Variants in EXOSC10 observed in about 807,000 individuals in gnomAD.
The protein encoded by EXOSC10 is exosome complex component 10.
A neutral mutation model predicts 126.6 loss-of-function variants in EXOSC10; 94 were observed. The ratio of observed to expected loss-of-function variants is 0.74; its 90% confidence interval spans 0.63 to 0.88. The LOEUF (loss-of-function observed/expected upper bound fraction) is 0.88, where lower values mean the gene tolerates loss of function less well. Ranked by LOEUF, EXOSC10 falls within the 40% of genes least tolerant of loss-of-function variation. EXOSC10 has a pLI of 0.00. For synonymous variants in EXOSC10, 395 were observed against 400.8 expected (o/e 0.99, Z 0.17); for missense variants, 1,041 against 1,100.5 (o/e 0.95, Z 0.77).
chr1:11,078,340 C>A (rs1253506619), intron 14 of EXOSC10, among the ~76,000 whole-genome samples: 1 of 150,748 alleles, frequency 6.6e-6, no homozygotes, highest in Non-Finnish European at 1.5e-5. Flanking sequence ...TCACTGCAAG[C>A]TCCGCCTCCC....
rs537391589 is a variant in EXOSC10 at position 11,077,708 on chromosome 1, C to A, written c.1750-57G>T. The stretch of plus-strand genomic sequence containing the variant: ...GTTGCCCAAGCACCTCAAGTCCAAC[C>A]CCCAGTCTCCAGCGCTGACTGTATT... On this transcript the variant is annotated intron_variant, in intron 14 of 24. Coordinates refer to ENST00000376936, the MANE Select transcript of EXOSC10 (RefSeq NM_001001998.3). 1.7e-5 allele frequency: 25 copies of A among 1,504,004 alleles called. No individual in the cohort carries two copies. In the South Asian group the frequency reaches 3.0e-4, roughly 18 times the overall value. 93.2% of individuals were successfully genotyped at this position (1,504,004 alleles called of 1,614,324 possible). A position where few individuals can be genotyped will look rare whatever the true frequency, so the allele number is the denominator to read the frequency against.
Position 11,082,766 on chromosome 1 carries a change from T to A in EXOSC10, c.1202A>T (p.His401Leu), listed in dbSNP as rs1409243900. The A allele has an allele frequency of 6.2e-7, 1 of 1,614,168 alleles. No homozygotes were observed. Among genetic ancestry groups the A allele is most frequent in the East Asian group, 2.2e-5 (1 of 44,882 alleles). ...GAGTTTCAGGAGATGATCGAGTGAG[T>A]GCCTGCCCAGGTTAAGAAGGCGTGC... ...QAARLLNLGR[H>L]SLDHLLKLYC... is the part of the protein sequence containing the mutation. The change falls in exon 10 of 25, where the codon CAC becomes CTC. Residue 401 changes from histidine to leucine, a missense_variant. His to Leu is a moderately conservative substitution (Grantham distance 99, BLOSUM62 -3). Coordinates refer to ENST00000376936, the MANE Select transcript of EXOSC10 (RefSeq NM_001001998.3).
chr1:11,069,244 T>TGTGTGTGTGTGTGTGTGTGTGAGAGAGA, intron 22 of EXOSC10, among the ~76,000 whole-genome samples: 3 of 116,826 alleles, frequency 2.6e-5, no homozygotes, highest in African/African-American at 8.1e-5. Flanking sequence ...TGTGTGTGTG[T>TGTGTGTGTGTGTGTGTGTGTGAGAGAGA]GAGAGAGAGA....
chr1:11,088,783 T>C (rs890110367), intron 6 of EXOSC10, among the ~76,000 whole-genome samples: 3 of 152,242 alleles, frequency 2.0e-5, no homozygotes, highest in Non-Finnish European at 2.9e-5. Flanking sequence ...TCTGGCTCTA[T>C]GTGAGGAAAA....
rs1421421117 is a variant in EXOSC10 at position 11,085,757 on chromosome 1, T to C, written c.1089+1691A>G. Among the ~76,000 whole-genome samples, 7 of 151,334 alleles carry C rather than the reference T, an allele frequency of 4.6e-5. No homozygotes were observed. The East Asian group carries it at 9.7e-4, about 21-fold the overall frequency. ...ATTCAGTATGATATTGGCTGTGGGT[T>C]TGTCATAGATAGCTCTTATTATTTT... is the stretch of plus-strand genomic sequence containing the variant. On this transcript the variant is annotated intron_variant, in intron 9 of 24. Transcript: ENST00000376936.
At chr1:11,081,648 C>A (rs560979172) in intron 10 of EXOSC10, among the ~76,000 whole-genome samples, 6 of 152,344 alleles carry the variant, frequency 3.9e-5, no homozygotes, top group Admixed American at 3.9e-4. Flanking sequence ...TACACAGGAC[C>A]ACATCCTTGA....
Position 11,068,056 on chromosome 1 carries a change from T to C in EXOSC10, c.2579A>G (p.Gln860Arg), listed in dbSNP as rs1444271736. The part of the protein sequence containing the change: ...KKCIAAKKIK[Q>R]SVGNKSMSFP... Reference sequence around the variant, plus strand: ...GGACATGCTTTTGTTTCCCACCGACTGTTTAATTTTTTTGGCTGCAATGCA... The same window carrying C: ...GGACATGCTTTTGTTTCCCACCGACCGTTTAATTTTTTTGGCTGCAATGCA... Residue 860 changes from glutamine to arginine, a missense_variant, in exon 24 of 25, where the codon CAG becomes CGG. By Grantham distance (43) the Gln-to-Arg change is conservative (BLOSUM62 1). Around this residue, in one of 3 missense-constraint regions of EXOSC10, gnomAD observed 388 missense variants for 415.2 expected, o/e 0.93. Coordinates refer to ENST00000376936, the MANE Select transcript of EXOSC10 (RefSeq NM_001001998.3). 6.2e-7 allele frequency: 1 copy of C among 1,614,078 alleles called. No homozygotes were observed. Among genetic ancestry groups the C allele is most frequent in the Non-Finnish European group, 8.5e-7 (1 of 1,180,038 alleles).
intron 12 of EXOSC10, 58 bp from the exon 13 acceptor site, chr1:11,080,607 G>C: frequency 6.5e-7 from 1 of 1,546,874 alleles, no homozygotes. Flanking sequence ...CACACACACG[G>C]TGGGGACACA....
Position 11,099,827 on chromosome 1 carries a change from G to C in EXOSC10, c.5C>G (p.Ala2Gly). 4 of 1,604,344 alleles carry C rather than the reference G, an allele frequency of 2.5e-6. No homozygotes were observed. The highest frequency in any genetic ancestry group is 3.4e-6 in the Non-Finnish European group (4 of 1,175,002). ...CCTGGGCTCCCGGGTACTGGGTGGCGCCATTTTTTCAGCCTGCACGGCTCG... is the reference window on the plus strand; with the variant it reads ...CCTGGGCTCCCGGGTACTGGGTGGCCCCATTTTTTCAGCCTGCACGGCTCG... M[A>G]PPSTREPRVL... Residue 2 changes from alanine to glycine, a missense_variant, in exon 1 of 25, where the codon GCG (alanine) becomes GGG (glycine). By Grantham distance (60) the Ala-to-Gly change is moderately conservative (BLOSUM62 0). Transcript: ENST00000376936.
intron 13 of EXOSC10, among the ~76,000 whole-genome samples, chr1:11,080,050 A>G (rs1284589215): frequency 6.6e-6 from 1 of 152,240 alleles, no homozygotes; most frequent in Non-Finnish European, 1.5e-5. Context: ...TCCCACAATC[A>G]GGGAGAGCTG....
intron 14 of EXOSC10, among the ~76,000 whole-genome samples, chr1:11,078,556 T>C (rs17036304): frequency 0.071 from 10,789 of 151,888 alleles, 594 homozygotes; most frequent in East Asian, 0.15. Context: ...CGCGCCCGGC[T>C]GACCCTGTTT....
intron 4 of EXOSC10, 116 bp downstream of exon 4, chr1:11,091,376 TA>T: frequency 3.0e-6 from 3 of 1,016,754 alleles, no homozygotes; most frequent in Non-Finnish European, 4.3e-6. Flanking sequence ...GAGAACAAAC[TA>T]AAGGAGACAG....
chr1:11,082,729 C>T lies in EXOSC10; in HGVS notation c.1239G>A (p.Val413=), dbSNP rs560976473. Reference sequence around the variant, plus strand: ...CCAGCTGATATTGCTTGTTTGAGTCCACGTTGCAGTAGAGTTTCAGGAGAT... The same window carrying T: ...CCAGCTGATATTGCTTGTTTGAGTCTACGTTGCAGTAGAGTTTCAGGAGAT... ...LDHLLKLYCN[V]DSNKQYQLAD... is the part of the protein sequence containing the mutation. The change falls in exon 10 of 25, where the codon GTG becomes GTA. Residue 413 remains valine (V), a synonymous_variant. Coordinates refer to ENST00000376936, the MANE Select transcript of EXOSC10 (RefSeq NM_001001998.3). 3.7e-6 allele frequency: 6 copies of T among 1,614,198 alleles called. No homozygotes were observed. In the South Asian group the frequency reaches 4.4e-5, roughly 12 times the overall value.
In EXOSC10 at chr1:11,088,121, A is replaced by G; in HGVS notation, c.834+2T>C. On this transcript the variant is annotated splice_donor_variant, in intron 7 of 24. Transcript: ENST00000376936. LOFTEE classifies it high-confidence loss of function. Reference sequence around the variant, plus strand: ...ACCTTTAAACTAAGGCTGGGTACTAACCTGGGGTTGTGGCTTTTGAAGCAC... The same window carrying G: ...ACCTTTAAACTAAGGCTGGGTACTAGCCTGGGGTTGTGGCTTTTGAAGCAC... 1 of 1,612,322 alleles carries G rather than the reference A, an allele frequency of 6.2e-7. No individual in the cohort carries two copies. Among genetic ancestry groups the G allele is most frequent in the Non-Finnish European group, 8.5e-7 (1 of 1,178,752 alleles).
intron 9 of EXOSC10, among the ~76,000 whole-genome samples, chr1:11,086,861 A>T (rs906353697): frequency 6.6e-6 from 1 of 152,234 alleles, no homozygotes; most frequent in African/African-American, 2.4e-5. Context: ...CCCATAATAG[A>T]AAGCAGGAAA....
chr1:11,067,464 C>G (rs1212347206), intron 24 of EXOSC10, among the ~76,000 whole-genome samples: 1 of 144,816 alleles, frequency 6.9e-6, no homozygotes, highest in Non-Finnish European at 1.5e-5. Flanking sequence ...ATTAGCCGGG[C>G]ATGATGGCAG....
In EXOSC10 at chr1:11,090,587, T is replaced by C. The variant is rs149484444; in HGVS notation, c.725A>G (p.His242Arg). ...DVPPALADFI[H>R]QQRTQQVEQD... is the part of the protein sequence containing the mutation. ...CTCAACCTGCTGGGTTCTCTGCTGATGGATGAAATCAGCCAGTGCAGGGGG... is the reference window on the plus strand; with the variant it reads ...CTCAACCTGCTGGGTTCTCTGCTGACGGATGAAATCAGCCAGTGCAGGGGG... Residue 242 changes from histidine to arginine, a missense_variant, in exon 6 of 25, where the codon CAT becomes CGT. Physicochemically the swap from His to Arg is conservative, Grantham distance 29 (BLOSUM62 0). Transcript: ENST00000376936. The C allele has an allele frequency of 2.9e-5, 47 of 1,614,042 alleles. No individual in the cohort carries two copies. The highest frequency in any genetic ancestry group is 3.7e-5 in the Non-Finnish European group (44 of 1,180,028).
intron 24 of EXOSC10, among the ~76,000 whole-genome samples, chr1:11,067,365 C>G (rs11121688): frequency 0.6 from 90,336 of 149,932 alleles, 30,445 homozygotes; most frequent in East Asian, 0.78. Context: ...CCGGGAGGCG[C>G]AGCTTGCAGT....
chr1:11,098,816 G>A lies in EXOSC10; in HGVS notation c.112-660C>T, dbSNP rs143254076. 8.9e-3 allele frequency among the ~76,000 whole-genome samples: 1,351 copies of A among 152,302 alleles called. 18 individuals are homozygous for A. Among genetic ancestry groups the A allele is most frequent in the African/African-American group, 0.031 (1,282 of 41,566 alleles). ...TGTTGTGAGGTAACGAAAAAAAGCCGTGAAGTGACATAAATGATGGCTGAT... is the reference window on the plus strand; with the variant it reads ...TGTTGTGAGGTAACGAAAAAAAGCCATGAAGTGACATAAATGATGGCTGAT... On this transcript the variant is annotated intron_variant, in intron 1 of 24. Transcript: ENST00000376936.
Sources: allele counts gnomAD v4.1 joint callset (sites outside exome capture counted in the v4.1 genomes callset), GRCh38; gene constraint gnomAD v4.1.1; regional missense constraint gnomAD v4.1.1; transcripts MANE v1.5; gene names NCBI Gene and HGNC (gene_info 2026-07-23, HGNC 2026-07-21).